HECW1: variants seen among roughly 807,000 people sequenced by gnomAD.
The protein encoded by HECW1 is E3 ubiquitin-protein ligase HECW1.
A neutral mutation model predicts 182.3 loss-of-function variants in HECW1; 61 were observed. The observed-to-expected ratio is 0.33, with a 90% confidence interval of 0.27 to 0.41. The LOEUF (loss-of-function observed/expected upper bound fraction) is 0.41. Ranked by LOEUF, HECW1 falls within the 10% of genes least tolerant of loss-of-function variation. HECW1 has a pLI of 1.00. For synonymous variants in HECW1, 859 were observed against 832.6 expected (o/e 1.03, Z -0.55); for missense variants, 1,739 against 2,108.9 (o/e 0.82, Z 3.44).
chr7:43,501,253 G>T lies in HECW1; in HGVS notation c.3562G>T (p.Ala1188Ser), dbSNP rs1301101678. The change falls in exon 21 of 30, where the codon GCT becomes TCT. Residue 1188 changes from alanine (A) to serine (S), a missense_variant. Around this residue, in one of 5 missense-constraint regions of HECW1, gnomAD observed 420 missense variants for 595.7 expected, o/e 0.71. Transcript: ENST00000395891. ...GATTATGTCCTACGTCCCCCTGCAG[G>T]CTGCCTTCCACCCTGGGTATAGCTT... ...EEIMSYVPLQAAFHPGYSFSP... is the reference protein window; with the variant it reads ...EEIMSYVPLQSAFHPGYSFSP... 6.2e-7 allele frequency: 1 copy of T among 1,605,554 alleles called. No individual in the cohort carries two copies. Among genetic ancestry groups the T allele is most frequent in the Non-Finnish European group, 8.5e-7 (1 of 1,174,974 alleles).
chr7:43,398,985 A>G (rs1215361840), intron 7 of HECW1, among the ~76,000 whole-genome samples: 1 of 152,260 alleles, frequency 6.6e-6, no homozygotes, highest in Non-Finnish European at 1.5e-5. Flanking sequence ...TCCATCAAGT[A>G]CAGCATCTGC....
chr7:43,466,415 G>A (rs765673973), intron 14 of HECW1, 32 bp from the exon 15 acceptor site: 4 of 1,608,728 alleles, frequency 2.5e-6, no homozygotes, highest in Non-Finnish European at 1.7e-6. Flanking sequence ...TTTTCCCAAT[G>A]CATTCTGTTG....
intron 2 of HECW1, among the ~76,000 whole-genome samples, chr7:43,206,924 A>G (rs1165622492): frequency 2.6e-5 from 4 of 152,236 alleles, no homozygotes; most frequent in African/African-American, 4.8e-5. Flanking sequence ...TGCTAAATAT[A>G]TAATTCTAGG....
intron 3 of HECW1, among the ~76,000 whole-genome samples, chr7:43,263,326 C>A (rs1316548644): frequency 2.0e-5 from 3 of 152,096 alleles, no homozygotes; most frequent in Non-Finnish European, 4.4e-5. Flanking sequence ...GCAGAACAAG[C>A]CATGGAATTG....
At chr7:43,291,583 C>T (rs1805405776) in intron 3 of HECW1, among the ~76,000 whole-genome samples, 1 of 152,216 alleles carries the variant, frequency 6.6e-6, no homozygotes, top group African/African-American at 2.4e-5. Flanking sequence ...AGCAAGGAAA[C>T]TTGAAGGAAG....
chr7:43,470,741 T>TTA (rs1554432447), intron 16 of HECW1, among the ~76,000 whole-genome samples: 2 of 151,708 alleles, frequency 1.3e-5, no homozygotes, highest in African/African-American at 4.9e-5. Context: ...ACACACATGC[T>TTA]CACACACACA....
intron 24 of HECW1, among the ~76,000 whole-genome samples, chr7:43,517,931 G>A (rs1310829168): frequency 1.3e-5 from 2 of 152,198 alleles, no homozygotes; most frequent in South Asian, 4.1e-4. Flanking sequence ...CAGAATGTGT[G>A]AGAAACTTCC....
chr7:43,523,220 G>A (rs2080590658), intron 24 of HECW1: 1 of 239,162 alleles, frequency 4.2e-6, no homozygotes, highest in South Asian at 3.8e-5. Flanking sequence ...GCCGGGGGGG[G>A]TCTCGAACTC....
In HECW1 at chr7:43,563,129, AG is replaced by A. The variant is rs1351331612; in HGVS notation, c.*1204del. On this transcript the variant is annotated 3_prime_UTR_variant, in exon 30 of 30. Coordinates refer to ENST00000395891, the MANE Select transcript of HECW1 (RefSeq NM_015052.5). The stretch of plus-strand genomic sequence containing the variant: ...GCTTGTTAGGGATCAAGGGCAACAT[AG>A]TACTTCTCCTTCACCCATAGTAATC... 2 of 203,782 alleles carry A rather than the reference AG, an allele frequency of 9.8e-6. No individual in the cohort carries two copies. Among genetic ancestry groups the A allele is most frequent in the African/African-American group, 2.3e-5 (1 of 43,630 alleles). 12.6% of individuals were successfully genotyped at this position (203,782 alleles called of 1,614,324 possible). A position where few individuals can be genotyped will look rare whatever the true frequency, so the allele number is the denominator to read the frequency against.
chr7:43,200,153 T>C (rs766885284), intron 2 of HECW1, among the ~76,000 whole-genome samples: 5 of 152,206 alleles, frequency 3.3e-5, no homozygotes, highest in Non-Finnish European at 7.3e-5. Flanking sequence ...ACGGATTTGA[T>C]TGGCCCAAAT....
intron 3 of HECW1, among the ~76,000 whole-genome samples, chr7:43,251,971 G>C: frequency 6.6e-6 from 1 of 152,216 alleles, no homozygotes; most frequent in Middle Eastern, 3.4e-3. Flanking sequence ...TACATTCCAC[G>C]GGGTCCTTGG....
At chr7:43,205,056 C>T (rs1272049265) in intron 2 of HECW1, among the ~76,000 whole-genome samples, 1 of 152,062 alleles carries the variant, frequency 6.6e-6, no homozygotes, top group Non-Finnish European at 1.5e-5. Flanking sequence ...GCTCAGAGGC[C>T]TATCATCAGA....
intron 4 of HECW1, among the ~76,000 whole-genome samples, chr7:43,313,991 T>C (rs1463409345): frequency 2.6e-5 from 4 of 152,180 alleles, no homozygotes; most frequent in African/African-American, 9.7e-5. Context: ...TTTTTTGGTT[T>C]GGTTTTTTAT....
chr7:43,453,937 G>T (rs1366632373), intron 12 of HECW1, among the ~76,000 whole-genome samples: 13 of 152,146 alleles, frequency 8.5e-5, no homozygotes, highest in Admixed American at 8.5e-4. Flanking sequence ...CAGAAAACAT[G>T]TTCATAATTT....
rs559256193 is a variant in HECW1, at chr7:43,221,886, A to T, written c.-31-21989A>T. On this transcript the variant is annotated intron_variant, in intron 2 of 29. Transcript: ENST00000395891. ...GTTGAGCTGATTGCATTTTATCATC[A>T]TAGGTTGCAATGCCAAATGACTGTT... Among the ~76,000 whole-genome samples the T allele has an allele frequency of 4.6e-5, 7 of 152,214 alleles. No homozygotes were observed. The South Asian group carries it at 1.5e-3, about 32-fold the overall frequency.
chr7:43,552,735 G>C (rs925591375), intron 28 of HECW1, among the ~76,000 whole-genome samples: 1 of 152,178 alleles, frequency 6.6e-6, no homozygotes, highest in Non-Finnish European at 1.5e-5. Context: ...GTTGTATGTA[G>C]CATGTTTCAG....
chr7:43,143,127 C>T (rs1484530863), intron 2 of HECW1, among the ~76,000 whole-genome samples: 8 of 152,086 alleles, frequency 5.3e-5, no homozygotes, highest in Admixed American at 2.0e-4. Flanking sequence ...CATGCCACCA[C>T]GCCCAGCTAA....
At chr7:43,412,769 C>T (rs1412536212) in intron 8 of HECW1, among the ~76,000 whole-genome samples, 1 of 151,626 alleles carries the variant, frequency 6.6e-6, no homozygotes, top group African/African-American at 2.4e-5. Flanking sequence ...CATGTCCCTA[C>T]AAAGGACATG....
At chr7:43,145,818 G>A (rs6966642) in intron 2 of HECW1, among the ~76,000 whole-genome samples, 66,585 of 151,964 alleles carry the variant, frequency 0.44, 14,711 homozygotes, top group East Asian at 0.46. Flanking sequence ...TATCTTCTGT[G>A]TGTCACCTCC....
Sources: gnomAD v4.1 joint callset for allele counts (sites outside exome capture counted in the v4.1 genomes callset) on GRCh38, gnomAD v4.1.1 for gene constraint, gnomAD v4.1.1 regional missense constraint, MANE v1.5 for transcripts, NCBI Gene and HGNC (gene_info 2026-07-23, HGNC 2026-07-21) for gene names.